The following CHRM3 variants were observed in gnomAD, a reference collection of about 807,000 sequenced individuals.
The protein encoded by CHRM3 is muscarinic acetylcholine receptor M3.
Under a neutral mutation model 41.8 loss-of-function variants are expected in CHRM3, and 11 were observed. The observed-to-expected ratio is 0.26, with a 90% CI of 0.17 to 0.44. The LOEUF is 0.44. Among genes scored for constraint, CHRM3 ranks in the 20% least tolerant of loss-of-function variants. The pLI is 1.00. For synonymous variants in CHRM3, 297 were observed against 301.4 expected (o/e 0.99, Z 0.15); for missense variants, 571 against 745.4 (o/e 0.77, Z 2.72).
chr1:239,481,500 A>G (rs1028087447), intron 1 of CHRM3, among the ~76,000 whole-genome samples: 1 of 152,252 alleles, frequency 6.6e-6, no homozygotes, highest in African/African-American at 2.4e-5. Flanking sequence ...GATTTACAAT[A>G]TGAACTTATT....
Position 239,907,466 on chromosome 1 carries a change from T to C in CHRM3, c.15T>C (p.Asn5=). Residue 5 remains asparagine, a synonymous_variant, in exon 7 of 7, where the codon AAT becomes AAC. Transcript: ENST00000676153. This position sits in a 1 kb window ranked among gnomAD's most constrained non-coding sequence, Gnocchi z 5.4. MTLH[N]NSTTSPLFPN... is the part of the protein sequence containing the mutation. Reference sequence around the variant, plus strand: ...AGAGAGTCACAATGACCTTGCACAATAACAGTACAACCTCGCCTTTGTTTC... The same window carrying C: ...AGAGAGTCACAATGACCTTGCACAACAACAGTACAACCTCGCCTTTGTTTC... The C allele has an allele frequency of 6.2e-7, 1 of 1,613,656 alleles. No individual in the cohort carries two copies. Among genetic ancestry groups the C allele is most frequent in the African/African-American group, 1.3e-5 (1 of 75,040 alleles).
At chr1:239,705,381 C>T (rs1661054352) in intron 5 of CHRM3, 1 of 152,104 alleles carries the variant, frequency 6.6e-6, no homozygotes, top group Non-Finnish European at 1.5e-5. Context: ...AGAGTTGTTG[C>T]AATAAAGTAG....
intron 5 of CHRM3, among the ~76,000 whole-genome samples, chr1:239,751,842 A>G (rs951736608): frequency 2.6e-5 from 4 of 152,226 alleles, no homozygotes; most frequent in African/African-American, 4.8e-5. Context: ...TATTGGGTAT[A>G]ATACAAACTA....
rs1416729965 is a variant in CHRM3 at position 239,446,102 on chromosome 1, A to AG, written c.-520-46607_-520-46606insG. Among the ~76,000 whole-genome samples, 15 of 152,104 alleles carry AG rather than the reference A, an allele frequency of 9.9e-5. No homozygotes were observed. In the East Asian group the frequency reaches 2.5e-3, roughly 26 times the overall value. The stretch of plus-strand genomic sequence containing the variant: ...CAGGTGTGCACCACCACACCCGGCT[A>AG]ATTTTTGTATTTTTAGTAGAGATGG... On this transcript the variant is annotated intron_variant, in intron 1 of 6. Transcript: ENST00000676153.
chr1:239,506,163 T>G (rs1668557973), intron 2 of CHRM3, among the ~76,000 whole-genome samples: 2 of 152,134 alleles, frequency 1.3e-5, no homozygotes, highest in African/African-American at 4.8e-5. Flanking sequence ...GAGGAGAAAT[T>G]CAAGCCAGCT....
chr1:239,563,168 TC>T (rs1661041896), intron 3 of CHRM3, among the ~76,000 whole-genome samples: 1 of 149,508 alleles, frequency 6.7e-6, no homozygotes, highest in African/African-American at 2.5e-5. Context: ...AACAATGTTT[TC>T]TTTATTCTGA....
At chr1:239,782,490 C>T (rs1304316097) in intron 5 of CHRM3, among the ~76,000 whole-genome samples, 1 of 152,038 alleles carries the variant, frequency 6.6e-6, no homozygotes, top group East Asian at 1.9e-4. Flanking sequence ...AATTTGAATT[C>T]TTACTTTTTT....
chr1:239,656,466 A>G (rs992730891), intron 4 of CHRM3, among the ~76,000 whole-genome samples: 38 of 144,576 alleles, frequency 2.6e-4, no homozygotes, highest in South Asian at 4.4e-4. Flanking sequence ...GCTAAAAAAA[A>G]AAGAAAAAAG....
In CHRM3 at chr1:239,648,701, T is replaced by C. The variant is rs531888486; in HGVS notation, c.-250+16415T>C. 2.6e-5 allele frequency among the ~76,000 whole-genome samples: 4 copies of C among 152,252 alleles called. No individual in the cohort carries two copies. In the South Asian group the frequency reaches 8.3e-4, roughly 32 times the overall value. ...CAATTGATAGATTGTTCACAGTGGA[T>C]GAGCATGGAAAGAACTGAGGCAGTG... On this transcript the variant is annotated intron_variant, in intron 4 of 6. Transcript: ENST00000676153.
At chr1:239,643,356 G>C (rs527873311) in intron 4 of CHRM3, among the ~76,000 whole-genome samples, 82 of 152,316 alleles carry the variant, frequency 5.4e-4, no homozygotes, top group African/African-American at 1.9e-3. Context: ...ATTTGTCTGT[G>C]CCCTGCCCCC....
chr1:239,867,699 A>AG (rs397983464), intron 6 of CHRM3, among the ~76,000 whole-genome samples: 1 of 151,054 alleles, frequency 6.6e-6, no homozygotes, highest in Non-Finnish European at 1.5e-5. Flanking sequence ...AAAAAAAAAA[A>AG]GTCGTGTCCA....
At chr1:239,765,538 G>A (rs889899791) in intron 5 of CHRM3, among the ~76,000 whole-genome samples, 7 of 152,148 alleles carry the variant, frequency 4.6e-5, no homozygotes, top group African/African-American at 1.4e-4. Flanking sequence ...TTTTTAGGAC[G>A]AAAATCCAAC....
chr1:239,437,084 T>A (rs1466326934), intron 1 of CHRM3, among the ~76,000 whole-genome samples: 2 of 151,934 alleles, frequency 1.3e-5, no homozygotes, highest in African/African-American at 4.8e-5. Flanking sequence ...ATTTTTAAAC[T>A]TTTTTTTCCC....
intron 5 of CHRM3, among the ~76,000 whole-genome samples, chr1:239,733,973 G>A (rs779483943): frequency 1.6e-4 from 25 of 151,854 alleles, no homozygotes; most frequent in Non-Finnish European, 3.1e-4. Context: ...TTTTTTAAAG[G>A]ACAGAAACTA....
At chr1:239,427,417 A>G (rs547842825) in intron 1 of CHRM3, among the ~76,000 whole-genome samples, 1 of 152,224 alleles carries the variant, frequency 6.6e-6, no homozygotes, top group Admixed American at 6.5e-5. Context: ...GTGTGGTGGT[A>G]GGAGAGGGTT....
At chr1:239,730,689 G>A (rs1269937875) in intron 5 of CHRM3, among the ~76,000 whole-genome samples, 2 of 151,996 alleles carry the variant, frequency 1.3e-5, no homozygotes, top group Non-Finnish European at 2.9e-5. Context: ...TGAGTCTGGA[G>A]TGGAGATGAA....
chr1:239,677,343 T>C (rs1658111950), intron 4 of CHRM3, among the ~76,000 whole-genome samples: 2 of 152,232 alleles, frequency 1.3e-5, no homozygotes, highest in African/African-American at 2.4e-5. Flanking sequence ...CTTGTTGCCA[T>C]GAAATAAGTT....
At chr1:239,711,296 T>C (rs980676806) in intron 5 of CHRM3, among the ~76,000 whole-genome samples, 1 of 152,040 alleles carries the variant, frequency 6.6e-6, no homozygotes, top group African/African-American at 2.4e-5. Flanking sequence ...CATCCAACTT[T>C]GCATCCTTTG....
chr1:239,495,465 C>T (rs761463705), intron 2 of CHRM3, among the ~76,000 whole-genome samples: 15 of 152,178 alleles, frequency 9.9e-5, no homozygotes, highest in Non-Finnish European at 1.6e-4. Flanking sequence ...TTCTTTGAGC[C>T]ACTCTCTCAG....
Sources: allele counts gnomAD v4.1 joint callset (sites outside exome capture counted in the v4.1 genomes callset), GRCh38; gene constraint gnomAD v4.1.1; non-coding constraint Gnocchi (gnomAD v3.1); transcripts MANE v1.5; gene names NCBI Gene and HGNC (gene_info 2026-07-23, HGNC 2026-07-21).